The following SLC4A7 variants were observed in gnomAD, a reference collection of about 807,000 sequenced individuals.
The protein encoded by SLC4A7 is solute carrier family 4 member 7.
SLC4A7 carries 51 observed loss-of-function variants against 137.6 expected under a neutral mutation model. The observed-to-expected ratio is 0.37, with a 90% CI of 0.30 to 0.47. The LOEUF (loss-of-function observed/expected upper bound fraction) is 0.47, where lower values mean the gene tolerates loss of function less well. Among genes scored for constraint, SLC4A7 ranks in the 20% least tolerant of loss-of-function variants. The probability of loss-of-function intolerance (pLI) is 1.00; values close to 1 mark genes in which losing one functional copy is unlikely to be tolerated. For missense variants in SLC4A7, 1,247 were observed against 1,525.4 expected, an observed-to-expected ratio of 0.82 and a Z score of 3.04; for synonymous variants, 542 against 518.6, an observed-to-expected ratio of 1.05 and a Z score of -0.61.
Position 27,443,245 on chromosome 3 carries a change from G to A in SLC4A7, c.289+5406C>T, listed in dbSNP as rs1053256814. Among the ~76,000 whole-genome samples the A allele has an allele frequency of 3.9e-5, 6 of 151,918 alleles. No individual in the cohort carries two copies. The East Asian group carries it at 9.7e-4, about 25-fold the overall frequency. ...TGGTTTCACCATGTTGGCCAGGCTG[G>A]TGTCGAACTCCTGACCTCAGGTGAT... On this transcript the variant is annotated intron_variant, in intron 3 of 25. Coordinates refer to ENST00000454389, the MANE Select transcript of SLC4A7 (RefSeq NM_001321103.2).
intron 1 of SLC4A7, among the ~76,000 whole-genome samples, chr3:27,480,633 C>T (rs1205826567): frequency 6.6e-6 from 1 of 152,138 alleles, no homozygotes; most frequent in East Asian, 1.9e-4. Flanking sequence ...AACCCTGATA[C>T]TATTCCTAGG....
intron 18 of SLC4A7, 111 bp from the exon 19 acceptor site, chr3:27,395,226 C>G: frequency 1.5e-6 from 1 of 679,600 alleles, no homozygotes; most frequent in Non-Finnish European, 2.3e-6. Context: ...TGGGAAATAA[C>G]TTAAATCTTG....
intron 16 of SLC4A7, 61 bp from the exon 17 acceptor site, chr3:27,398,414 A>G: frequency 7.1e-7 from 1 of 1,409,878 alleles, no homozygotes; most frequent in Non-Finnish European, 9.7e-7. Flanking sequence ...ATAAATTATT[A>G]TGAGCTTCAT....
At chr3:27,446,532 C>G (rs908149674) in intron 3 of SLC4A7, among the ~76,000 whole-genome samples, 3 of 152,074 alleles carry the variant, frequency 2.0e-5, no homozygotes, top group African/African-American at 7.2e-5. Flanking sequence ...AAACCACATA[C>G]TTAGGTGAAC....
At chr3:27,419,087 T>C (rs2054672843) in intron 10 of SLC4A7, among the ~76,000 whole-genome samples, 1 of 152,266 alleles carries the variant, frequency 6.6e-6, no homozygotes, top group Non-Finnish European at 1.5e-5. Flanking sequence ...TTGTGGATAA[T>C]GCAATGGTGA....
In SLC4A7 at chr3:27,420,715, A is replaced by G. The variant is rs779936490; in HGVS notation, c.1497T>C (p.Thr499=). The G allele has an allele frequency of 6.2e-7, 1 of 1,611,576 alleles. No homozygotes were observed. The highest frequency in any genetic ancestry group is 1.7e-5 in the Admixed American group (1 of 60,004). ...TTCTGATTACCTCATCTGTCATGAG[A>G]GTGGCTATTGATCGTCCAATTTCAT... is the stretch of plus-strand genomic sequence containing the variant. The part of the protein sequence containing the change: ...QYHEIGRSIA[T]LMTDEIFHDV... Residue 499 remains threonine (T), a synonymous_variant, in exon 10 of 26, where the codon ACT becomes ACC. Coordinates refer to ENST00000454389, the MANE Select transcript of SLC4A7 (RefSeq NM_001321103.2).
chr3:27,451,034 T>G (rs2058040540), intron 2 of SLC4A7, among the ~76,000 whole-genome samples: 1 of 151,968 alleles, frequency 6.6e-6, no homozygotes, highest in Admixed American at 6.6e-5. Flanking sequence ...AATTTTAACC[T>G]CCCTAGCTCC....
Position 27,470,909 on chromosome 3 carries a change from T to C in SLC4A7, c.60+13158A>G, listed in dbSNP as rs891497115. On this transcript the variant is annotated intron_variant, in intron 1 of 25. Transcript: ENST00000454389. ...ATGAGCCGAGATCGCGCCACTGCAC[T>C]CCAGCCTAGTGACAGAGCAAGACTC... Among the ~76,000 whole-genome samples, 9 of 152,054 alleles carry C rather than the reference T, an allele frequency of 5.9e-5. 1 individual carries two copies.
chr3:27,399,294 A>G (rs2052516961), intron 16 of SLC4A7, among the ~76,000 whole-genome samples: 1 of 152,208 alleles, frequency 6.6e-6, no homozygotes, highest in Admixed American at 6.5e-5. Context: ...ACTTATATCT[A>G]TATATCAAGA....
chr3:27,387,426 T>TTTATTTATCCAGTTCCAAA (rs1186127162), intron 22 of SLC4A7, among the ~76,000 whole-genome samples: 2 of 152,174 alleles, frequency 1.3e-5, no homozygotes, highest in African/African-American at 2.4e-5. Context: ...GCATTTATTT[T>TTTATTTATCCAGTTCCAAA]TTATTTATCC....
chr3:27,424,413 C>T (rs940092186), intron 7 of SLC4A7: 8 of 273,840 alleles, frequency 2.9e-5, no homozygotes, highest in African/African-American at 1.1e-4. Flanking sequence ...AGAAATAAAA[C>T]GTGAGTTGGT....
chr3:27,381,458 G>A (rs1302097229), intron 24 of SLC4A7, among the ~76,000 whole-genome samples: 1 of 152,102 alleles, frequency 6.6e-6, no homozygotes, highest in East Asian at 1.9e-4. Flanking sequence ...GATCGCTGTG[G>A]CTGGATATAT....
At chr3:27,465,183 G>A (rs2058915992) in intron 1 of SLC4A7, among the ~76,000 whole-genome samples, 1 of 151,090 alleles carries the variant, frequency 6.6e-6, no homozygotes, top group African/African-American at 2.4e-5. Context: ...CAGCCACCCG[G>A]GAGGCTGAGC....
Position 27,455,856 on chromosome 3 carries a change from C to CA in SLC4A7, c.61-3359dup, listed in dbSNP as rs1022620815. ...TGGGCAACAGAACGAGACCTTGTCT[C>CA]AAAAAAAAACACAAAAAACAAAACC... On this transcript the variant is annotated intron_variant, in intron 1 of 25. Coordinates refer to ENST00000454389, the MANE Select transcript of SLC4A7 (RefSeq NM_001321103.2). Among the ~76,000 whole-genome samples, 35 of 148,706 alleles carry CA rather than the reference C, an allele frequency of 2.4e-4. 1 individual carries two copies. The highest frequency in any genetic ancestry group is 1.3e-3 in the Admixed American group (19 of 14,946).
intron 15 of SLC4A7, among the ~76,000 whole-genome samples, chr3:27,401,741 C>A (rs2052763512): frequency 1.3e-5 from 2 of 152,140 alleles, no homozygotes; most frequent in South Asian, 2.1e-4. Context: ...GAATGTTGGC[C>A]AAATAAATGT....
intron 15 of SLC4A7, among the ~76,000 whole-genome samples, chr3:27,401,432 A>T (rs2052731467): frequency 6.6e-6 from 1 of 152,214 alleles, no homozygotes; most frequent in Non-Finnish European, 1.5e-5. Context: ...TATTTCAACT[A>T]CCTAAAGCTA....
chr3:27,394,089 G>C (rs2051883717), intron 20 of SLC4A7, among the ~76,000 whole-genome samples: 1 of 152,092 alleles, frequency 6.6e-6, no homozygotes, highest in South Asian at 2.1e-4. Flanking sequence ...CCCAATCACG[G>C]CTCACTGCAG....
intron 6 of SLC4A7, 90 bp from the exon 7 acceptor site, chr3:27,431,759 T>G: frequency 7.3e-7 from 1 of 1,374,204 alleles, no homozygotes. Context: ...ACACTATAAA[T>G]TGCATACTTC....
chr3:27,474,254 TC>T (rs2059376254), intron 1 of SLC4A7, among the ~76,000 whole-genome samples: 1 of 152,118 alleles, frequency 6.6e-6, no homozygotes, highest in African/African-American at 2.4e-5. Flanking sequence ...GCCTCCATCA[TC>T]ATCTCCACTA....
Sources: allele counts gnomAD v4.1 joint callset (sites outside exome capture counted in the v4.1 genomes callset), GRCh38; gene constraint gnomAD v4.1.1; transcripts MANE v1.5; gene names NCBI Gene and HGNC (gene_info 2026-07-23, HGNC 2026-07-21).